The following MAST4 variants were observed in gnomAD, a reference collection of about 807,000 sequenced individuals.
MAST4 encodes the protein microtubule-associated serine/threonine-protein kinase 4.
A neutral mutation model predicts 162.7 loss-of-function variants in MAST4; 89 were observed. That is an observed-to-expected ratio of 0.55 (90% CI 0.46 to 0.65). MAST4 has a LOEUF of 0.65. MAST4 is among the 30% of genes least tolerant of loss of function. The pLI is 0.00. For missense variants in MAST4, 3,153 were observed against 3,374.0 expected (o/e 0.93, Z 1.62); for synonymous variants, 1,479 against 1,361.1 (o/e 1.09, Z -1.91).
intron 4 of MAST4, among the ~76,000 whole-genome samples, chr5:67,024,352 CATACAT>C (rs1450521659): frequency 7.2e-6 from 1 of 138,760 alleles, no homozygotes; most frequent in African/African-American, 3.0e-5. Flanking sequence ...CACACACACA[CATACAT>C]ATAGATAGCT....
At chr5:66,807,427 C>T (rs369905269) in intron 3 of MAST4, among the ~76,000 whole-genome samples, 2 of 151,256 alleles carry the variant, frequency 1.3e-5, no homozygotes, top group South Asian at 2.1e-4. Context: ...ACCCGGGAAG[C>T]GGAGCTTGCA....
At chr5:66,974,613 G>A (rs188674255) in intron 4 of MAST4, among the ~76,000 whole-genome samples, 5 of 152,270 alleles carry the variant, frequency 3.3e-5, no homozygotes, top group East Asian at 1.9e-4. Context: ...CATTTCCTTC[G>A]TCTCCAGCTT....
chr5:66,651,979 T>C (rs1420997256), intron 1 of MAST4, among the ~76,000 whole-genome samples: 1 of 152,148 alleles, frequency 6.6e-6, no homozygotes, highest in Non-Finnish European at 1.5e-5. Flanking sequence ...GTCTATAATT[T>C]TGCCATGTTC....
chr5:66,858,620 T>A (rs910659753), intron 3 of MAST4, among the ~76,000 whole-genome samples: 3 of 152,232 alleles, frequency 2.0e-5, no homozygotes, highest in Admixed American at 2.0e-4. Flanking sequence ...CTCTTATTTT[T>A]GTTCTTCTTT....
chr5:66,918,239 G>T (rs1262554932), intron 4 of MAST4, among the ~76,000 whole-genome samples: 2 of 152,044 alleles, frequency 1.3e-5, no homozygotes, highest in African/African-American at 4.8e-5. Context: ...TTTTTAGTTT[G>T]CATGTCTGTT....
chr5:67,019,720 T>C (rs938219299), intron 4 of MAST4, among the ~76,000 whole-genome samples: 7 of 152,284 alleles, frequency 4.6e-5, no homozygotes, highest in Admixed American at 4.6e-4. Flanking sequence ...TTTTTTAAAC[T>C]CTAAAGATGT....
At chr5:67,126,588 G>T (rs1768262731) in intron 14 of MAST4, among the ~76,000 whole-genome samples, 1 of 152,042 alleles carries the variant, frequency 6.6e-6, no homozygotes, top group African/African-American at 2.4e-5. Context: ...CCTCCGTTCT[G>T]TTCTATTGGT....
intron 4 of MAST4, among the ~76,000 whole-genome samples, chr5:67,011,348 C>T (rs1752647473): frequency 6.6e-6 from 1 of 152,178 alleles, no homozygotes; most frequent in Non-Finnish European, 1.5e-5. Flanking sequence ...GAGCCCATTT[C>T]CTCCCACTCC....
At chr5:67,012,808 T>C (rs2150357970) in intron 4 of MAST4, among the ~76,000 whole-genome samples, 1 of 152,352 alleles carries the variant, frequency 6.6e-6, no homozygotes, top group South Asian at 2.1e-4. Context: ...TAAACCTTAT[T>C]AATACAATAA....
intron 5 of MAST4, among the ~76,000 whole-genome samples, chr5:67,072,075 A>T (rs554946964): frequency 6.6e-6 from 1 of 152,226 alleles, no homozygotes; most frequent in Non-Finnish European, 1.5e-5. Flanking sequence ...TGTTTTTTAA[A>T]CATTTTAGAA....
chr5:66,644,010 GTCC>G (rs1401799277), intron 1 of MAST4, among the ~76,000 whole-genome samples: 1 of 148,758 alleles, frequency 6.7e-6, no homozygotes, highest in Non-Finnish European at 1.5e-5. Flanking sequence ...ATATTCTAGA[GTCC>G]TCTTATAAAT....
chr5:66,758,521 A>G (rs1409475385), intron 1 of MAST4, among the ~76,000 whole-genome samples: 2 of 151,984 alleles, frequency 1.3e-5, no homozygotes, highest in African/African-American at 4.8e-5. Context: ...GACTCAAGAG[A>G]GTCTCCTGCC....
intron 3 of MAST4, among the ~76,000 whole-genome samples, chr5:66,880,225 A>G (rs943061632): frequency 6.6e-6 from 1 of 152,196 alleles, no homozygotes; most frequent in Non-Finnish European, 1.5e-5. Flanking sequence ...GAATAAGAGT[A>G]TGTACTCATT....
intron 3 of MAST4, among the ~76,000 whole-genome samples, chr5:66,816,635 G>A (rs1408976559): frequency 6.6e-6 from 1 of 152,096 alleles, no homozygotes; most frequent in Non-Finnish European, 1.5e-5. Context: ...GCTGCCTTTA[G>A]GAGCCAGGCC....
intron 3 of MAST4, among the ~76,000 whole-genome samples, chr5:66,889,298 T>A (rs184146781): frequency 6.6e-6 from 1 of 152,256 alleles, no homozygotes; most frequent in African/African-American, 2.4e-5. Context: ...AGAAACATAG[T>A]TAAGTGGCAG....
Position 67,166,949 on chromosome 5 carries a change from C to T in MAST4, c.7770C>T (p.Asn2590=), listed in dbSNP as rs746838834. 6.2e-6 allele frequency: 10 copies of T among 1,612,416 alleles called. No homozygotes were observed. The African/African-American group carries it at 1.3e-4, about 22-fold the overall frequency. Residue 2590 remains asparagine (N), a synonymous_variant, in exon 29 of 29, where the codon AAC becomes AAT. Coordinates refer to ENST00000403625, the MANE Select transcript of MAST4 (RefSeq NM_001164664.2). ...RDVTKPSPAP[N]TDRPISLSNE... ...TGACCAAGCCATCCCCAGCCCCAAA[C>T]ACTGACCGCCCCATCTCTCTTTCTA... is the stretch of plus-strand genomic sequence containing the variant.
At chr5:67,076,050 C>G (rs1303021276) in intron 5 of MAST4, among the ~76,000 whole-genome samples, 1 of 152,080 alleles carries the variant, frequency 6.6e-6, no homozygotes, top group Non-Finnish European at 1.5e-5. Context: ...GGAGATGCAC[C>G]TTGATTGCCC....
chr5:66,648,085 A>T (rs113764557), intron 1 of MAST4, among the ~76,000 whole-genome samples: 1,316 of 80,740 alleles, frequency 0.016, 4 homozygotes, highest in East Asian at 0.052. Context: ...TGTGTGTGTG[A>T]GAGAGAGAGA....
At chr5:67,023,175 TTAATC>T (rs1318037965) in intron 4 of MAST4, among the ~76,000 whole-genome samples, 4 of 152,190 alleles carry the variant, frequency 2.6e-5, no homozygotes, top group East Asian at 3.8e-4. Context: ...TGATTTATGA[TTAATC>T]TAAGTTACAT....
Sources: gnomAD v4.1 joint callset for allele counts (sites outside exome capture counted in the v4.1 genomes callset) on GRCh38, gnomAD v4.1.1 for gene constraint, MANE v1.5 for transcripts, NCBI Gene and HGNC (gene_info 2026-07-23, HGNC 2026-07-21) for gene names.